Variants in CR1 observed in about 807,000 individuals in gnomAD.
The protein encoded by CR1 is complement receptor type 1.
A neutral mutation model predicts 187.3 loss-of-function variants in CR1; 116 were observed. That is an observed-to-expected ratio of 0.62 (90% CI 0.53 to 0.72). The LOEUF is 0.72. CR1 is among the 30% of genes least tolerant of loss of function. CR1 has a pLI of 0.00. For synonymous variants in CR1, 576 were observed against 747.1 expected, an observed-to-expected ratio of 0.77 and a Z score of 3.73; for missense variants, 1,731 against 2,110.7, an observed-to-expected ratio of 0.82 and a Z score of 3.52.
Position 207,592,614 on chromosome 1 carries a change from G to A in CR1, c.5810+3840G>A, listed in dbSNP as rs1467611746. The stretch of plus-strand genomic sequence containing the variant: ...GGCCAGGGCAATCAGGCAAGAGAAA[G>A]GAATAAAGGGTATTCAAATAGGAAG... On this transcript the variant is annotated intron_variant, in intron 35 of 46. Coordinates refer to ENST00000367049, the MANE Select transcript of CR1 (RefSeq NM_000651.6). Among the ~76,000 whole-genome samples, 5 of 152,124 alleles carry A rather than the reference G, an allele frequency of 3.3e-5. No individual in the cohort carries two copies. In the South Asian group the frequency reaches 1.0e-3, roughly 31 times the overall value.
chr1:207,599,703 G>A (rs1661549502), intron 35 of CR1, among the ~76,000 whole-genome samples: 2 of 152,168 alleles, frequency 1.3e-5, no homozygotes, highest in African/African-American at 4.8e-5. Flanking sequence ...GATGTCAACA[G>A]AAAAAAATAA....
chr1:207,592,184 A>G (rs1661291616), intron 35 of CR1, among the ~76,000 whole-genome samples: 1 of 152,240 alleles, frequency 6.6e-6, no homozygotes, highest in Non-Finnish European at 1.5e-5. Context: ...ACATTGATGC[A>G]AAAATCCTCA....
intron 4 of CR1, among the ~76,000 whole-genome samples, chr1:207,519,906 G>C (rs1051126308): frequency 6.8e-6 from 1 of 147,322 alleles, no homozygotes; most frequent in African/African-American, 2.7e-5. Flanking sequence ...GGTGATTGGC[G>C]TAAGAGTAGT....
At chr1:207,582,425 T>C (rs1044716715) in intron 32 of CR1, among the ~76,000 whole-genome samples, 4 of 152,228 alleles carry the variant, frequency 2.6e-5, no homozygotes, top group Non-Finnish European at 2.9e-5. Flanking sequence ...TTCTGGGAAC[T>C]GGGGATATAC....
At chr1:207,625,585 C>T (rs2102408528) in intron 45 of CR1, among the ~76,000 whole-genome samples, 1 of 152,314 alleles carries the variant, frequency 6.6e-6, no homozygotes, top group Admixed American at 6.5e-5. Context: ...TGAATTAATA[C>T]AAGGCCAGTC....
chr1:207,504,862 T>A (rs111910443), intron 1 of CR1, among the ~76,000 whole-genome samples: 8 of 152,078 alleles, frequency 5.3e-5, no homozygotes, highest in Non-Finnish European at 1.2e-4. Flanking sequence ...TGTTAGGAAA[T>A]GGGCAGAACA....
In CR1 at chr1:207,611,652, T is replaced by G. The variant is rs774955710; in HGVS notation, c.6296-25T>G. 6 of 1,612,014 alleles carry G rather than the reference T, an allele frequency of 3.7e-6. No individual in the cohort carries two copies. The South Asian group carries it at 5.5e-5, about 15-fold the overall frequency. ...AGGAAATTGCCCCATATCTAACAAG[T>G]GCTCTGGAACTGTCCTTTCCACAGT... On this transcript the variant is annotated intron_variant, in intron 37 of 46. Coordinates refer to ENST00000367049, the MANE Select transcript of CR1 (RefSeq NM_000651.6).
intron 35 of CR1, among the ~76,000 whole-genome samples, chr1:207,604,254 T>C (rs973340630): frequency 3.3e-5 from 5 of 152,230 alleles, no homozygotes; most frequent in African/African-American, 1.2e-4. Flanking sequence ...TGTTTGCCTT[T>C]TTATAATTGA....
At chr1:207,515,110 C>T (rs1216278601) in intron 4 of CR1, among the ~76,000 whole-genome samples, 1 of 139,704 alleles carries the variant, frequency 7.2e-6, no homozygotes, top group Admixed American at 7.2e-5. Context: ...TATATATGTA[C>T]GTATATATAC....
At chr1:207,499,782 T>C (rs1377211664) in intron 1 of CR1, among the ~76,000 whole-genome samples, 1 of 152,222 alleles carries the variant, frequency 6.6e-6, no homozygotes, top group Non-Finnish European at 1.5e-5. Context: ...CTTTCTGTGC[T>C]TTGTGGTGTA....
intron 35 of CR1, among the ~76,000 whole-genome samples, chr1:207,590,448 C>G (rs1170100406): frequency 2.0e-5 from 3 of 152,184 alleles, no homozygotes; most frequent in African/African-American, 7.2e-5. Flanking sequence ...CTTACAAGGG[C>G]TCCTGAAGGA....
rs1261646536 is a variant in CR1 at position 207,640,489 on chromosome 1, T to TA, written c.*1086dup. 3.9e-5 allele frequency: 6 copies of TA among 152,168 alleles called. No individual in the cohort carries two copies. The highest frequency in any genetic ancestry group is 4.1e-4 in the South Asian group (2 of 4,830). The allele number at this position is 152,168 out of a possible 1,614,324, so 9.4% of individuals were successfully genotyped here. A position where few individuals can be genotyped will look rare whatever the true frequency, so the allele number is the denominator to read the frequency against. ...AAAGCACTTTGTGCTGTGTTCTATATAAAAAACATAATAAAAATTGAAATG... is the reference window on the plus strand; with the variant it reads ...AAAGCACTTTGTGCTGTGTTCTATATAAAAAAACATAATAAAAATTGAAATG... On this transcript the variant is annotated 3_prime_UTR_variant, in exon 47 of 47. Transcript: ENST00000367049.
At position 207,639,446 on chromosome 1, in the gene CR1, A is replaced by G. The variant is rs41274776; in HGVS notation, c.*37A>G. ...ACAGCTGAAGAACATCTCGAATACA[A>G]TTTTGGTGGGAAAGGAGCCAATTGA... is the stretch of plus-strand genomic sequence containing the variant. On this transcript the variant is annotated 3_prime_UTR_variant, in exon 47 of 47. Transcript: ENST00000367049. 105,408 of 1,580,108 alleles carry G rather than the reference A, an allele frequency of 0.067. 6,037 individuals are homozygous for G. Among genetic ancestry groups the G allele is most frequent in the East Asian group, 0.34 (15,046 of 44,114 alleles).
chr1:207,502,021 CAG>C (rs954706821), intron 1 of CR1, among the ~76,000 whole-genome samples: 1 of 151,856 alleles, frequency 6.6e-6, no homozygotes, highest in Non-Finnish European at 1.5e-5. Context: ...CCCACTAAAT[CAG>C]AGATTTGGGG....
intron 27 of CR1, among the ~76,000 whole-genome samples, chr1:207,574,095 G>T (rs1258114780): frequency 6.6e-6 from 1 of 152,118 alleles, no homozygotes; most frequent in Non-Finnish European, 1.5e-5. Flanking sequence ...ATGGCAACCT[G>T]CACTCCAGCC....
At chr1:207,595,334 TG>T in intron 35 of CR1, among the ~76,000 whole-genome samples, 1 of 152,094 alleles carries the variant, frequency 6.6e-6, no homozygotes, top group South Asian at 2.1e-4. Flanking sequence ...TAGCACATAA[TG>T]GAAGACAATT....
Position 207,619,050 on chromosome 1 carries a change from A to AG in CR1, c.7066+803_7066+804insG, listed in dbSNP as rs1553301627. Among the ~76,000 whole-genome samples the AG allele has an allele frequency of 6.5e-5, 9 of 139,124 alleles. 2 individuals are homozygous for AG. The highest frequency in any genetic ancestry group is 1.1e-4 in the Non-Finnish European group (7 of 64,912). The allele number at this position is 139,124 out of a possible 152,430, so 91.3% of individuals were successfully genotyped here. A position where few individuals can be genotyped will look rare whatever the true frequency, so the allele number is the denominator to read the frequency against. Reference sequence around the variant, plus strand: ...AGACTCCGTCTCAAAAAAAAAAAAAAAAAAAGAAAAGAAAAGAAAGTAAAT... The same window carrying AG: ...AGACTCCGTCTCAAAAAAAAAAAAAAGAAAAAGAAAAGAAAAGAAAGTAAAT... On this transcript the variant is annotated intron_variant, in intron 42 of 46. Transcript: ENST00000367049.
At chr1:207,576,642 A>G (rs1660754461) in intron 28 of CR1, among the ~76,000 whole-genome samples, 1 of 152,054 alleles carries the variant, frequency 6.6e-6, no homozygotes, top group Admixed American at 6.5e-5. Context: ...ACATGGTGAA[A>G]TCATGTCTCT....
chr1:207,521,083 C>G (rs781188366), intron 4 of CR1, among the ~76,000 whole-genome samples: 4 of 146,794 alleles, frequency 2.7e-5, no homozygotes, highest in Middle Eastern at 3.2e-3. Context: ...TTCAAGTTAT[C>G]CTCCCACTTC....
Sources: gnomAD v4.1 joint callset for allele counts (sites outside exome capture counted in the v4.1 genomes callset) on GRCh38, gnomAD v4.1.1 for gene constraint, MANE v1.5 for transcripts, NCBI Gene and HGNC (gene_info 2026-07-23, HGNC 2026-07-21) for gene names.